The following KCNB2 variants were observed in gnomAD, a reference collection of about 807,000 sequenced individuals.
KCNB2 encodes delayed rectifier potassium channel protein.
A neutral mutation model predicts 61.5 loss-of-function variants in KCNB2; 15 were observed. The observed-to-expected ratio is 0.24, with a 90% CI of 0.16 to 0.38. The LOEUF (loss-of-function observed/expected upper bound fraction) is 0.38. Among genes scored for constraint, KCNB2 ranks in the 10% least tolerant of loss-of-function variants. KCNB2 has a pLI of 1.00. For synonymous variants in KCNB2, 457 were observed against 446.0 expected (o/e 1.02, Z -0.31); for missense variants, 828 against 1,125.2 (o/e 0.74, Z 3.78).
At chr8:72,831,582 T>C (rs1299634795) in intron 2 of KCNB2, among the ~76,000 whole-genome samples, 1 of 152,258 alleles carries the variant, frequency 6.6e-6, no homozygotes, top group Non-Finnish European at 1.5e-5. Flanking sequence ...TGCATATTTA[T>C]GAGGCCTTTG....
In KCNB2 at chr8:72,937,021, C is replaced by T. The variant is rs144823279; in HGVS notation, c.1666C>T (p.Pro556Ser). The change falls in exon 3 of 3, where the codon CCA becomes TCA. Residue 556 changes from proline (P) to serine (S), a missense_variant. Physicochemically the swap from Pro to Ser is moderately conservative, Grantham distance 74. Around this residue, in one of 4 missense-constraint regions of KCNB2, gnomAD observed 559 missense variants for 588.4 expected, o/e 0.95. Transcript: ENST00000523207. ...EITKTQPHSH[P>S]NPDCQEKPER... ...CACCAAGACACAGCCTCATTCTCAC[C>T]CAAACCCAGACTGCCAAGAAAAGCC... 336 of 1,613,944 alleles carry T rather than the reference C, an allele frequency of 2.1e-4. No individual in the cohort carries two copies. Among genetic ancestry groups the T allele is most frequent in the Non-Finnish European group, 2.6e-4 (312 of 1,180,024 alleles).
intron 2 of KCNB2, among the ~76,000 whole-genome samples, chr8:72,820,508 A>T (rs774051399): frequency 9.9e-5 from 15 of 152,140 alleles, no homozygotes; most frequent in Admixed American, 4.6e-4. Context: ...TAATTTGCAC[A>T]TAGTTACATT....
intron 2 of KCNB2, among the ~76,000 whole-genome samples, chr8:72,679,424 A>G (rs996008322): frequency 8.5e-5 from 13 of 152,226 alleles, no homozygotes; most frequent in South Asian, 6.2e-4. Context: ...GTCTTGGTCC[A>G]CAACACTTAG....
At chr8:72,576,642 C>G (rs1373677260) in intron 2 of KCNB2, among the ~76,000 whole-genome samples, 1 of 152,210 alleles carries the variant, frequency 6.6e-6, no homozygotes, top group Non-Finnish European at 1.5e-5. Flanking sequence ...GCCACACCAG[C>G]AAGCTGTTCC....
At chr8:72,676,172 G>C (rs1806650391) in intron 2 of KCNB2, among the ~76,000 whole-genome samples, 1 of 152,120 alleles carries the variant, frequency 6.6e-6, no homozygotes, top group Admixed American at 6.6e-5. Context: ...TTGAGGAAAT[G>C]ACAATATTTC....
intron 1 of KCNB2, among the ~76,000 whole-genome samples, chr8:72,545,984 C>A (rs1043059355): frequency 1.3e-5 from 2 of 152,196 alleles, no homozygotes; most frequent in African/African-American, 2.4e-5. Context: ...CCTTAACTCT[C>A]TTCAATTCCA....
intron 1 of KCNB2, among the ~76,000 whole-genome samples, chr8:72,538,734 G>T (rs1806150558): frequency 6.6e-6 from 1 of 152,036 alleles, no homozygotes; most frequent in Admixed American, 6.6e-5. Context: ...AAGATTTTAA[G>T]TATCGTATCA....
chr8:72,756,431 T>C (rs1808291488), intron 2 of KCNB2, among the ~76,000 whole-genome samples: 1 of 152,202 alleles, frequency 6.6e-6, no homozygotes, highest in South Asian at 2.1e-4. Context: ...AAGACAGTGA[T>C]TGGAACAACA....
intron 2 of KCNB2, among the ~76,000 whole-genome samples, chr8:72,591,230 A>G (rs1348869165): frequency 2.0e-5 from 3 of 152,120 alleles, no homozygotes; most frequent in African/African-American, 7.2e-5. Flanking sequence ...CGGAGGTTTA[A>G]TAGGTCCCTT....
At position 72,761,036 on chromosome 8, in the gene KCNB2, G is replaced by A. The variant is rs73686503; in HGVS notation, c.580-174899G>A. Among the ~76,000 whole-genome samples the A allele has an allele frequency of 4.9e-3, 748 of 152,204 alleles. 7 individuals carry two copies. Among genetic ancestry groups the A allele is most frequent in the African/African-American group, 0.017 (711 of 41,512 alleles). ...GTAACTTGGGATGCTTTTGACTATT[G>A]TACAACCTCAGATTCTCAAAAACCA... On this transcript the variant is annotated intron_variant, in intron 2 of 2. Transcript: ENST00000523207.
intron 2 of KCNB2, among the ~76,000 whole-genome samples, chr8:72,636,769 T>C (rs1805972894): frequency 6.6e-6 from 1 of 152,162 alleles, no homozygotes; most frequent in South Asian, 2.1e-4. Context: ...ATTTTTGTCA[T>C]GACAGTTCAA....
chr8:72,653,404 A>G (rs553130543), intron 2 of KCNB2, among the ~76,000 whole-genome samples: 1 of 152,196 alleles, frequency 6.6e-6, no homozygotes, highest in Non-Finnish European at 1.5e-5. Context: ...GCCCTAAAAT[A>G]GCTTTCCCTT....
intron 2 of KCNB2, among the ~76,000 whole-genome samples, chr8:72,604,792 C>G (rs776929550): frequency 6.6e-6 from 1 of 152,172 alleles, no homozygotes; most frequent in Non-Finnish European, 1.5e-5. Flanking sequence ...AAGGTCATCC[C>G]TATCTTGGAT....
intron 2 of KCNB2, among the ~76,000 whole-genome samples, chr8:72,686,591 C>T (rs939220679): frequency 3.3e-5 from 5 of 152,120 alleles, no homozygotes; most frequent in Non-Finnish European, 7.4e-5. Context: ...TTGAAGAGAG[C>T]AATCAATAAA....
chr8:72,553,564 T>C (rs1806378198), intron 1 of KCNB2, among the ~76,000 whole-genome samples: 1 of 152,148 alleles, frequency 6.6e-6, no homozygotes, highest in South Asian at 2.1e-4. Flanking sequence ...AACTTACTTT[T>C]GAGATAAATG....
intron 2 of KCNB2, among the ~76,000 whole-genome samples, chr8:72,760,831 G>A (rs1346460012): frequency 6.6e-6 from 1 of 152,120 alleles, no homozygotes; most frequent in East Asian, 1.9e-4. Context: ...CAAAGTCCTG[G>A]ACTTGGGGAG....
intron 2 of KCNB2, among the ~76,000 whole-genome samples, chr8:72,610,798 T>C (rs1422010249): frequency 6.6e-6 from 1 of 152,110 alleles, no homozygotes. Context: ...AGACAAGTGG[T>C]TTACGTAACA....
intron 2 of KCNB2, among the ~76,000 whole-genome samples, chr8:72,586,446 T>G (rs1807001927): frequency 6.6e-6 from 1 of 152,160 alleles, no homozygotes; most frequent in African/African-American, 2.4e-5. Context: ...GTGTTCAACG[T>G]TTTGTAATTC....
intron 2 of KCNB2, among the ~76,000 whole-genome samples, chr8:72,762,134 A>G (rs1245542778): frequency 6.6e-6 from 1 of 152,204 alleles, no homozygotes; most frequent in Admixed American, 6.5e-5. Context: ...TGCTCTAAAC[A>G]AACATGCAAC....
Sources: gnomAD v4.1 joint callset for allele counts (sites outside exome capture counted in the v4.1 genomes callset) on GRCh38, gnomAD v4.1.1 for gene constraint, gnomAD v4.1.1 regional missense constraint, MANE v1.5 for transcripts, NCBI Gene and HGNC (gene_info 2026-07-23, HGNC 2026-07-21) for gene names.